Variants in CNTN5 observed in about 807,000 individuals in gnomAD.
The protein encoded by CNTN5 is contactin 5, also known as contactin-5.
Under a neutral mutation model 129.1 loss-of-function variants are expected in CNTN5, and 77 were observed. That is an observed-to-expected ratio of 0.60 (90% CI 0.50 to 0.72). The LOEUF is 0.72. CNTN5 is among the 30% of genes least tolerant of loss of function. The pLI is 0.00. For missense variants in CNTN5, 1,478 were observed against 1,328.8 expected (o/e 1.11, Z -1.75); for synonymous variants, 509 against 465.6 (o/e 1.09, Z -1.20).
At chr11:99,716,562 T>A (rs2134995230) in intron 3 of CNTN5, among the ~76,000 whole-genome samples, 2 of 152,102 alleles carry the variant, frequency 1.3e-5, no homozygotes, top group South Asian at 4.1e-4. Flanking sequence ...TCCTGCCTAG[T>A]CTCATCAGCT....
At chr11:99,711,970 G>A (rs1955009917) in intron 3 of CNTN5, among the ~76,000 whole-genome samples, 2 of 152,176 alleles carry the variant, frequency 1.3e-5, no homozygotes, top group East Asian at 3.9e-4. Flanking sequence ...ATGGTAAAAT[G>A]ATTTATAATC....
intron 3 of CNTN5, among the ~76,000 whole-genome samples, chr11:99,571,742 G>A (rs902376363): frequency 6.6e-6 from 1 of 152,052 alleles, no homozygotes; most frequent in African/African-American, 2.4e-5. Context: ...TACATATCCT[G>A]GTCATACTTC....
At chr11:99,969,897 AC>A (rs1565736800) in intron 8 of CNTN5, among the ~76,000 whole-genome samples, 1 of 151,770 alleles carries the variant, frequency 6.6e-6, no homozygotes, top group Non-Finnish European at 1.5e-5. Context: ...TCCACTCCTC[AC>A]CCCCATGATA....
At chr11:99,389,625 C>T (rs1484574570) in intron 2 of CNTN5, among the ~76,000 whole-genome samples, 2 of 152,128 alleles carry the variant, frequency 1.3e-5, no homozygotes, top group South Asian at 2.1e-4. Flanking sequence ...CACACAGGCA[C>T]TCCCAAATGT....
Position 100,187,672 on chromosome 11 carries a change from A to G in CNTN5, c.1581-3454A>G, listed in dbSNP as rs192522346. 2.0e-3 allele frequency among the ~76,000 whole-genome samples: 299 copies of G among 152,318 alleles called. 3 individuals carry two copies. The South Asian group carries it at 0.02, about 10-fold the overall frequency. Reference sequence around the variant, plus strand: ...TACAGTCATCTTACCAAAGTTGACAAAAATAAGTAATGAGGAAAGGACTTC... The same window carrying G: ...TACAGTCATCTTACCAAAGTTGACAGAAATAAGTAATGAGGAAAGGACTTC... On this transcript the variant is annotated intron_variant, in intron 13 of 24. Transcript: ENST00000524871.
Position 99,782,091 on chromosome 11 carries a change from C to T in CNTN5, c.56-37453C>T, listed in dbSNP as rs1028403295. On this transcript the variant is annotated intron_variant, in intron 3 of 24. Transcript: ENST00000524871. ...ATCTAGAAAACCCCATCGTCTCAGC[C>T]CAAAATCTCCTTAAGCTGATAAGCA... Among the ~76,000 whole-genome samples, 467 of 150,956 alleles carry T rather than the reference C, an allele frequency of 3.1e-3. 5 individuals carry two copies. The highest frequency in any genetic ancestry group is 0.011 in the African/African-American group (450 of 40,994).
At chr11:99,608,422 T>G (rs2135721876) in intron 3 of CNTN5, among the ~76,000 whole-genome samples, 1 of 152,272 alleles carries the variant, frequency 6.6e-6, no homozygotes, top group Non-Finnish European at 1.5e-5. Flanking sequence ...ATGTTGACCT[T>G]CTAACCTCCC....
intron 3 of CNTN5, among the ~76,000 whole-genome samples, chr11:99,782,833 T>C: frequency 6.6e-6 from 1 of 151,730 alleles, no homozygotes; most frequent in Non-Finnish European, 1.5e-5. Context: ...CAATTCAAGA[T>C]GGATTAAAGA....
At chr11:99,329,339 A>G (rs946403668) in intron 2 of CNTN5, among the ~76,000 whole-genome samples, 2 of 152,230 alleles carry the variant, frequency 1.3e-5, no homozygotes, top group Non-Finnish European at 2.9e-5. Context: ...TATCTCCTAT[A>G]TGATACTTGC....
intron 3 of CNTN5, among the ~76,000 whole-genome samples, chr11:99,686,924 C>T (rs1953818153): frequency 6.6e-6 from 1 of 152,134 alleles, no homozygotes; most frequent in African/African-American, 2.4e-5. Context: ...AGCTCAAATG[C>T]TGGCCTGCTT....
At chr11:99,842,327 C>T (rs1037141146) in intron 4 of CNTN5, among the ~76,000 whole-genome samples, 6 of 152,140 alleles carry the variant, frequency 3.9e-5, no homozygotes, top group African/African-American at 7.2e-5. Context: ...AGCATAATGT[C>T]TGGCATATAG....
intron 8 of CNTN5, among the ~76,000 whole-genome samples, chr11:99,963,316 A>G (rs372749269): frequency 6.6e-6 from 1 of 152,144 alleles, no homozygotes; most frequent in East Asian, 1.9e-4. Flanking sequence ...TCTTTGCTCC[A>G]TCTTGAATTA....
intron 3 of CNTN5, among the ~76,000 whole-genome samples, chr11:99,594,615 T>C (rs1950071902): frequency 6.6e-6 from 1 of 152,172 alleles, no homozygotes; most frequent in Admixed American, 6.5e-5. Flanking sequence ...ATATGAGCTC[T>C]TAACTTGGAG....
chr11:100,099,834 C>G (rs544276443), intron 13 of CNTN5, among the ~76,000 whole-genome samples: 71 of 152,130 alleles, frequency 4.7e-4, no homozygotes, highest in African/African-American at 1.6e-3. Context: ...TACGTGTTAT[C>G]TCATTACAGT....
At chr11:100,297,790 C>A in intron 19 of CNTN5, 95 bp downstream of exon 19, 2 of 909,272 alleles carry the variant, frequency 2.2e-6, no homozygotes, top group Non-Finnish European at 3.4e-6. Context: ...CCACTTGATT[C>A]ATTTAGAGGC....
At chr11:99,477,753 C>G (rs1054482269) in intron 2 of CNTN5, among the ~76,000 whole-genome samples, 7 of 150,332 alleles carry the variant, frequency 4.7e-5, no homozygotes, top group Non-Finnish European at 1.0e-4. Context: ...AATTCAAGAC[C>G]AACCTGGCCA....
intron 2 of CNTN5, among the ~76,000 whole-genome samples, chr11:99,427,978 T>G (rs544474348): frequency 6.6e-6 from 1 of 151,978 alleles, no homozygotes; most frequent in African/African-American, 2.4e-5. Flanking sequence ...ATACATTTTC[T>G]TTTTACAAAC....
At chr11:99,133,728 A>T (rs977574075) in intron 1 of CNTN5, among the ~76,000 whole-genome samples, 3 of 152,164 alleles carry the variant, frequency 2.0e-5, no homozygotes, top group Non-Finnish European at 4.4e-5. Flanking sequence ...CACCAGTCAG[A>T]ATGGCGATTA....
At chr11:99,785,832 G>A (rs1311675116) in intron 3 of CNTN5, among the ~76,000 whole-genome samples, 1 of 152,052 alleles carries the variant, frequency 6.6e-6, no homozygotes, top group African/African-American at 2.4e-5. Context: ...TCTAAATAAA[G>A]TAGGTATTGA....
Sources: allele counts gnomAD v4.1 joint callset (sites outside exome capture counted in the v4.1 genomes callset), GRCh38; gene constraint gnomAD v4.1.1; transcripts MANE v1.5; gene names NCBI Gene and HGNC (gene_info 2026-07-23, HGNC 2026-07-21).